FRYL: variants seen among roughly 807,000 people sequenced by gnomAD.
FRYL encodes the protein FRY like transcription coactivator, also known as protein furry homolog-like.
A neutral mutation model predicts 351.2 loss-of-function variants in FRYL; 150 were observed. The ratio of observed to expected loss-of-function variants is 0.43; its 90% CI spans 0.37 to 0.49. FRYL has a LOEUF of 0.49. Ranked by LOEUF, FRYL falls within the 20% of genes least tolerant of loss-of-function variation. FRYL has a pLI of 0.00. For synonymous variants in FRYL, 1,153 were observed against 1,257.1 expected (o/e 0.92, Z 1.75); for missense variants, 3,036 against 3,619.3 (o/e 0.84, Z 4.13).
At chr4:48,670,233 A>C (rs1762427734) in intron 3 of FRYL, among the ~76,000 whole-genome samples, 1 of 152,058 alleles carries the variant, frequency 6.6e-6, no homozygotes, top group Non-Finnish European at 1.5e-5. Flanking sequence ...CAGGAGTTTG[A>C]GATCAGTCTG....
chr4:48,671,887 A>AAAAAAAAAAAC, intron 3 of FRYL, among the ~76,000 whole-genome samples: 1 of 148,986 alleles, frequency 6.7e-6, no homozygotes, highest in Non-Finnish European at 1.5e-5. Context: ...AAAAAAAAAA[A>AAAAAAAAAAAC]AAAAGAAGGA....
At chr4:48,675,400 G>A (rs968762973) in intron 3 of FRYL, among the ~76,000 whole-genome samples, 3 of 152,246 alleles carry the variant, frequency 2.0e-5, no homozygotes, top group Non-Finnish European at 2.9e-5. Context: ...CTGGAGTTCC[G>A]GGTGGGCGTG....
At chr4:48,705,906 A>G (rs1310911415) in intron 2 of FRYL, among the ~76,000 whole-genome samples, 7 of 152,024 alleles carry the variant, frequency 4.6e-5, no homozygotes, top group African/African-American at 7.2e-5. Flanking sequence ...GTGTGACCTC[A>G]GTTTACTGCA....
intron 4 of FRYL, among the ~76,000 whole-genome samples, chr4:48,630,263 A>G (rs1349503147): frequency 1.3e-5 from 2 of 152,228 alleles, no homozygotes; most frequent in African/African-American, 2.4e-5. Context: ...CATTCTTAAA[A>G]TATAACAAGT....
At chr4:48,766,476 T>G (rs1231376749) in intron 1 of FRYL, among the ~76,000 whole-genome samples, 1 of 152,214 alleles carries the variant, frequency 6.6e-6, no homozygotes, top group Non-Finnish European at 1.5e-5. Flanking sequence ...GAGGCCCTTG[T>G]GCAGGGATGT....
rs369058647 is a variant in FRYL at position 48,603,434 on chromosome 4, A to T, written c.835-46T>A. On this transcript the variant is annotated intron_variant, in intron 11 of 63. Transcript: ENST00000358350. ...ACAAAGAAAATGATACAGATGTTAG[A>T]TTAAACTATACAAAGAATACAAGAA... The T allele has an allele frequency of 6.8e-6, 8 of 1,182,008 alleles. No homozygotes were observed. In the African/African-American group the frequency reaches 1.2e-4, roughly 18 times the overall value. 73.2% of individuals were successfully genotyped at this position (1,182,008 alleles called of 1,614,324 possible). A position where few individuals can be genotyped will look rare whatever the true frequency, so the allele number is the denominator to read the frequency against.
intron 31 of FRYL, among the ~76,000 whole-genome samples, chr4:48,563,629 G>A (rs553300611): frequency 5.9e-5 from 9 of 151,722 alleles, no homozygotes; most frequent in African/African-American, 2.2e-4. Flanking sequence ...AGGATCACTT[G>A]AGCCTAGGAG....
Position 48,500,027 on chromosome 4 carries a change from T to C in FRYL, c.8783+3A>G. ...ATCACCTTTAAATCCCGTCACGTTT[T>C]ACCTGAAAGCTTTGACTTGTGCTAC... On this transcript the variant is annotated splice_donor_region_variant and intron_variant, in intron 63 of 63. Coordinates refer to ENST00000358350, the MANE Select transcript of FRYL (RefSeq NM_015030.2). The C allele has an allele frequency of 6.4e-7, 1 of 1,570,536 alleles. No individual in the cohort carries two copies. The highest frequency in any genetic ancestry group is 8.6e-7 in the Non-Finnish European group (1 of 1,164,092).
At chr4:48,615,121 C>G (rs960256697) in intron 7 of FRYL, among the ~76,000 whole-genome samples, 2 of 152,114 alleles carry the variant, frequency 1.3e-5, no homozygotes, top group Non-Finnish European at 2.9e-5. Context: ...CCACCGCGCC[C>G]GGCCAGTTTA....
Position 48,540,788 on chromosome 4 carries a change from G to A in FRYL, c.5860C>T (p.Arg1954Trp), listed in dbSNP as rs140338334. ...ATATCCAGTGTGTTACTCCGCCGCC[G>A]GTCACCTCGTCGGTCACCAATCAAA... is the stretch of plus-strand genomic sequence containing the variant. ...LSLIGDRRGD[R>W]RRSNTLDIMD... The change falls in exon 46 of 64, where the codon CGG (arginine) becomes TGG (tryptophan). Residue 1954 changes from arginine to tryptophan, a missense_variant. Physicochemically the swap from Arg to Trp is moderately radical, Grantham distance 101 (BLOSUM62 -3). Transcript: ENST00000358350. 9.5e-5 allele frequency: 153 copies of A among 1,613,826 alleles called. No individual in the cohort carries two copies. In the African/African-American group the frequency reaches 1.7e-3, roughly 18 times the overall value.
At chr4:48,538,346 C>T (rs1209777834) in intron 47 of FRYL, among the ~76,000 whole-genome samples, 1 of 151,924 alleles carries the variant, frequency 6.6e-6, no homozygotes, top group Admixed American at 6.5e-5. Context: ...CTTTCCCTAT[C>T]TAATTTATTT....
chr4:48,715,411 C>G (rs892618789), intron 1 of FRYL, among the ~76,000 whole-genome samples: 12 of 152,142 alleles, frequency 7.9e-5, no homozygotes, highest in Non-Finnish European at 1.6e-4. Flanking sequence ...AGGTGACAAG[C>G]AAATTCAGCA....
chr4:48,522,356 C>T (rs750374276), intron 54 of FRYL, among the ~76,000 whole-genome samples: 1 of 152,170 alleles, frequency 6.6e-6, no homozygotes, highest in South Asian at 2.1e-4. Flanking sequence ...CTGGTTTCTT[C>T]CTTATCACAT....
At chr4:48,740,268 C>A in intron 1 of FRYL, among the ~76,000 whole-genome samples, 1 of 144,956 alleles carries the variant, frequency 6.9e-6, no homozygotes, top group South Asian at 2.2e-4. Context: ...TCTTAAAATT[C>A]AACAATAAGA....
intron 3 of FRYL, among the ~76,000 whole-genome samples, chr4:48,639,660 G>A (rs1411551447): frequency 1.3e-5 from 2 of 151,700 alleles, no homozygotes; most frequent in Admixed American, 6.6e-5. Flanking sequence ...CATGATCCAG[G>A]GAAAAAAATT....
intron 7 of FRYL, among the ~76,000 whole-genome samples, chr4:48,616,454 T>C (rs2149306345): frequency 6.6e-6 from 1 of 152,294 alleles, no homozygotes; most frequent in South Asian, 2.1e-4. Context: ...ATTCTTATGA[T>C]TCTACAAAAA....
chr4:48,568,464 T>G (rs550289079), intron 27 of FRYL, among the ~76,000 whole-genome samples: 29 of 152,334 alleles, frequency 1.9e-4, no homozygotes, highest in African/African-American at 6.7e-4. Flanking sequence ...AAAGGCCTAG[T>G]AAACAATAAG....
rs1469472931 is a variant in FRYL, at chr4:48,522,903, T to C, written c.7519A>G (p.Met2507Val). The C allele has an allele frequency of 1.2e-6, 2 of 1,610,430 alleles. No individual in the cohort carries two copies. Among genetic ancestry groups the C allele is most frequent in the Admixed American group, 3.3e-5 (2 of 59,994 alleles). Residue 2507 changes from methionine to valine, a missense_variant and splice_region_variant, in exon 54 of 64, where the codon ATG (methionine) becomes GTG (valine). This residue lies in a region of FRYL where 1,987 missense variants were observed against 2,311.7 expected (regional missense o/e 0.86). Transcript: ENST00000358350. ...TASQILSRTQ[M>V]LNSDSATDET... ...TGTAAGAAAAGTGAATTGTATACCATCTGTGTGCGTGAGAGTATCTGGCTT... is the reference window on the plus strand; with the variant it reads ...TGTAAGAAAAGTGAATTGTATACCACCTGTGTGCGTGAGAGTATCTGGCTT...
chr4:48,655,679 A>G (rs1758710481), intron 3 of FRYL, among the ~76,000 whole-genome samples: 1 of 147,320 alleles, frequency 6.8e-6, no homozygotes, highest in Non-Finnish European at 1.5e-5. Flanking sequence ...ATAATGTATT[A>G]TATAATGTAT....
Sources: allele counts gnomAD v4.1 joint callset (sites outside exome capture counted in the v4.1 genomes callset), GRCh38; gene constraint gnomAD v4.1.1; regional missense constraint gnomAD v4.1.1; transcripts MANE v1.5; gene names NCBI Gene and HGNC (gene_info 2026-07-23, HGNC 2026-07-21).